The following C6orf89 variants were observed in gnomAD, a reference collection of about 807,000 sequenced individuals.
C6orf89 encodes chromosome 6 open reading frame 89.
C6orf89 carries 29 observed loss-of-function variants against 40.7 expected under a neutral mutation model. That is an observed-to-expected ratio of 0.71 (90% CI 0.53 to 0.97). The LOEUF (loss-of-function observed/expected upper bound fraction) is 0.97, where lower values mean the gene tolerates loss of function less well. C6orf89 is among the 50% of genes least tolerant of loss of function. The pLI, the probability that C6orf89 is intolerant of heterozygous loss-of-function variation, is 0.00. For synonymous variants in C6orf89, 165 were observed against 152.2 expected (o/e 1.08, Z -0.62); for missense variants, 392 against 429.1 (o/e 0.91, Z 0.76).
chr6:36,894,963 C>G (rs189924699), intron 2 of C6orf89, among the ~76,000 whole-genome samples: 2 of 152,078 alleles, frequency 1.3e-5, no homozygotes, highest in African/African-American at 4.8e-5. Context: ...GTAATTTAAC[C>G]GAAATCATCT....
At chr6:36,901,324 T>C (rs6936396) in intron 3 of C6orf89, among the ~76,000 whole-genome samples, 3 of 26,970 alleles carry the variant, frequency 1.1e-4, no homozygotes, top group African/African-American at 4.7e-4. Context: ...TATTATTATT[T>C]TTTTTTTTTT....
At chr6:36,888,327 A>G (rs998883762) in intron 1 of C6orf89, among the ~76,000 whole-genome samples, 7 of 152,112 alleles carry the variant, frequency 4.6e-5, no homozygotes, top group African/African-American at 1.7e-4. Context: ...GCATGAGCCA[A>G]TTTGTGTTTC....
intron 2 of C6orf89, among the ~76,000 whole-genome samples, chr6:36,895,952 T>C (rs1168683499): frequency 2.0e-5 from 3 of 152,252 alleles, no homozygotes; most frequent in African/African-American, 7.2e-5. Flanking sequence ...TGTACCATTT[T>C]ATGTTTCAAT....
At chr6:36,911,622 C>T (rs1762127970) in intron 4 of C6orf89, among the ~76,000 whole-genome samples, 2 of 152,096 alleles carry the variant, frequency 1.3e-5, no homozygotes, top group Admixed American at 1.3e-4. Flanking sequence ...CCCCTTTCTC[C>T]TGGTGCTTTA....
Position 36,891,473 on chromosome 6 carries a change from A to G in C6orf89, c.-119-3031A>G, listed in dbSNP as rs2150681270. Among the ~76,000 whole-genome samples, 5 of 152,334 alleles carry G rather than the reference A, an allele frequency of 3.3e-5. 1 individual carries two copies. In the South Asian group the frequency reaches 1.0e-3, roughly 32 times the overall value. ...TAAACATATGTGTGCATGTGTCTTT[A>G]TAGCAGCATGATTTATAATCCTTTG... On this transcript the variant is annotated intron_variant, in intron 1 of 8. Transcript: ENST00000480824.
intron 4 of C6orf89, among the ~76,000 whole-genome samples, chr6:36,913,512 C>T (rs1762198197): frequency 6.6e-6 from 1 of 152,196 alleles, no homozygotes; most frequent in South Asian, 2.1e-4. Context: ...ACACATCCAG[C>T]ATGTGTGAGA....
intron 1 of C6orf89, among the ~76,000 whole-genome samples, chr6:36,887,219 A>G (rs1254263130): frequency 2.0e-5 from 3 of 151,658 alleles, no homozygotes; most frequent in Non-Finnish European, 4.4e-5. Flanking sequence ...GGTTCACACC[A>G]TTCTCCTGCC....
Position 36,914,400 on chromosome 6 carries a change from A to G in C6orf89, c.520A>G (p.Arg174Gly), listed in dbSNP as rs1267163082. The change falls in exon 5 of 9, where the codon AGG becomes GGG. Residue 174 changes from arginine to glycine, a missense_variant. Transcript: ENST00000480824. ...GGTGATGCTCCTGGAAGACGCCCCAAGGAAATTTGAGAGGCTCCATCCACT... is the reference window on the plus strand; with the variant it reads ...GGTGATGCTCCTGGAAGACGCCCCAGGGAAATTTGAGAGGCTCCATCCACT... The part of the protein sequence containing the change: ...LKVMLLEDAP[R>G]KFERLHPLVI... 2 of 1,614,216 alleles carry G rather than the reference A, an allele frequency of 1.2e-6. No individual in the cohort carries two copies. Among genetic ancestry groups the G allele is most frequent in the Non-Finnish European group, 8.5e-7 (1 of 1,180,040 alleles).
intron 2 of C6orf89, among the ~76,000 whole-genome samples, chr6:36,880,143 C>A (rs1459865604): frequency 6.6e-6 from 1 of 152,128 alleles, no homozygotes; most frequent in Non-Finnish European, 1.5e-5. Flanking sequence ...AGTTCAAAAG[C>A]CAGAAATATC....
intron 1 of C6orf89, among the ~76,000 whole-genome samples, chr6:36,886,650 C>A (rs1272447969): frequency 6.6e-6 from 1 of 152,158 alleles, no homozygotes; most frequent in Non-Finnish European, 1.5e-5. Flanking sequence ...GCCCTCATAG[C>A]CTTTGTATTC....
rs761701011 is a variant in C6orf89, at chr6:36,923,342, T to A, written c.950-5T>A. 6.2e-7 allele frequency: 1 copy of A among 1,612,092 alleles called. No homozygotes were observed. Among genetic ancestry groups the A allele is most frequent in the Non-Finnish European group, 8.5e-7 (1 of 1,178,354 alleles). Reference sequence around the variant, plus strand: ...CATGCCTTCCTCTTGCTATTTCCCCTCAAGGCTATGTCGACACCACCCACT... The same window carrying A: ...CATGCCTTCCTCTTGCTATTTCCCCACAAGGCTATGTCGACACCACCCACT... On this transcript the variant is annotated splice_region_variant and splice_polypyrimidine_tract_variant and intron_variant, in intron 8 of 8. Coordinates refer to ENST00000480824, the MANE Select transcript of C6orf89 (RefSeq NM_001286635.2).
chr6:36,889,850 C>T (rs1761120952), intron 1 of C6orf89, among the ~76,000 whole-genome samples: 1 of 152,138 alleles, frequency 6.6e-6, no homozygotes. Flanking sequence ...TTAGGAGATG[C>T]ATGTTGAAAT....
intron 7 of C6orf89, 129 bp from the exon 8 acceptor site, chr6:36,919,449 T>G (rs1762437235): frequency 6.9e-6 from 8 of 1,162,198 alleles, no homozygotes; most frequent in Non-Finnish European, 9.6e-6. Flanking sequence ...TGTTATTGGT[T>G]CTATTTCCTC....
chr6:36,919,032 A>G (rs1762420530), intron 7 of C6orf89, among the ~76,000 whole-genome samples: 1 of 152,208 alleles, frequency 6.6e-6, no homozygotes, highest in South Asian at 2.1e-4. Context: ...TTGCTGCTGT[A>G]CAATTCTTAT....
intron 4 of C6orf89, among the ~76,000 whole-genome samples, chr6:36,913,263 T>TG (rs1486957055): frequency 2.6e-5 from 4 of 152,174 alleles, no homozygotes; most frequent in African/African-American, 7.2e-5. Context: ...GGGTCTGGGT[T>TG]GGGGGTCTTC....
intron 1 of C6orf89, among the ~76,000 whole-genome samples, chr6:36,888,440 T>C (rs909117870): frequency 2.6e-5 from 4 of 152,190 alleles, no homozygotes; most frequent in African/African-American, 9.7e-5. Context: ...AAGACCAGCC[T>C]GGCCAACATG....
chr6:36,875,199 G>A (rs1774619956), intron 1 of C6orf89, among the ~76,000 whole-genome samples: 1 of 152,160 alleles, frequency 6.6e-6, no homozygotes, highest in African/African-American at 2.4e-5. Flanking sequence ...GTTTAGAGAT[G>A]CCAGTAAAGA....
chr6:36,880,327 G>A (rs1313087932), intron 2 of C6orf89, among the ~76,000 whole-genome samples: 5 of 152,130 alleles, frequency 3.3e-5, no homozygotes, highest in Non-Finnish European at 7.4e-5. Context: ...GTTCCTCCAA[G>A]GACTCCACCA....
chr6:36,886,863 A>G (rs1239192250), intron 1 of C6orf89, among the ~76,000 whole-genome samples: 1 of 152,166 alleles, frequency 6.6e-6, no homozygotes, highest in East Asian at 1.9e-4. Context: ...CATGCCTTTA[A>G]AATAATAACT....
Sources: allele counts gnomAD v4.1 joint callset (sites outside exome capture counted in the v4.1 genomes callset), GRCh38; gene constraint gnomAD v4.1.1; transcripts MANE v1.5; gene names NCBI Gene and HGNC (gene_info 2026-07-23, HGNC 2026-07-21).